GRID2: variants seen among roughly 807,000 people sequenced by gnomAD.
GRID2 encodes the protein glutamate ionotropic receptor delta type subunit 2, also known as glutamate receptor ionotropic, delta-2.
GRID2 carries 33 observed loss-of-function variants against 114.8 expected under a neutral mutation model. The observed-to-expected ratio is 0.29, with a 90% CI of 0.22 to 0.38. GRID2 has a LOEUF of 0.38. Ranked by LOEUF, GRID2 falls within the 10% of genes least tolerant of loss-of-function variation. GRID2 has a pLI of 1.00. For synonymous variants in GRID2, 505 were observed against 449.9 expected (o/e 1.12, Z -1.55); for missense variants, 1,184 against 1,257.7 (o/e 0.94, Z 0.89).
chr4:92,953,311 G>T (rs538044935), intron 2 of GRID2, among the ~76,000 whole-genome samples: 6 of 152,208 alleles, frequency 3.9e-5, no homozygotes, highest in East Asian at 1.9e-4. Context: ...AGTAAGCTCT[G>T]TGTTCTAGAG....
intron 1 of GRID2, among the ~76,000 whole-genome samples, chr4:92,561,744 C>T (rs536911647): frequency 1.8e-4 from 27 of 152,054 alleles, no homozygotes; most frequent in African/African-American, 5.5e-4. Flanking sequence ...TTTTGAATGC[C>T]CGATGTCATT....
chr4:92,536,476 C>A (rs533026019), intron 1 of GRID2, among the ~76,000 whole-genome samples: 1 of 152,256 alleles, frequency 6.6e-6, no homozygotes, highest in East Asian at 1.9e-4. Context: ...AAATTAATAT[C>A]CTATAAATAC....
chr4:93,209,031 A>T (rs1743140077), intron 5 of GRID2, among the ~76,000 whole-genome samples: 1 of 152,060 alleles, frequency 6.6e-6, no homozygotes, highest in Admixed American at 6.6e-5. Context: ...ACTATTAGTG[A>T]TGATAATGGA....
intron 14 of GRID2, among the ~76,000 whole-genome samples, chr4:93,725,689 A>T (rs925872986): frequency 2.0e-5 from 3 of 150,950 alleles, no homozygotes; most frequent in Admixed American, 6.6e-5. Flanking sequence ...CTGGTGTGAG[A>T]TGGTATCTCA....
chr4:92,965,187 A>G (rs375064670), intron 2 of GRID2, among the ~76,000 whole-genome samples: 1 of 151,842 alleles, frequency 6.6e-6, no homozygotes, highest in Non-Finnish European at 1.5e-5. Context: ...GGATGAAGCA[A>G]TCAGAACACA....
intron 12 of GRID2, among the ~76,000 whole-genome samples, chr4:93,502,988 G>T (rs760659927): frequency 1.3e-5 from 2 of 151,970 alleles, no homozygotes; most frequent in Admixed American, 6.6e-5. Context: ...AAAACAGTTC[G>T]GGCATTTATA....
intron 2 of GRID2, among the ~76,000 whole-genome samples, chr4:92,786,215 C>G (rs2149361471): frequency 6.6e-6 from 1 of 151,902 alleles, no homozygotes; most frequent in Non-Finnish European, 1.5e-5. Flanking sequence ...TGCCTTCCCT[C>G]TGTAATCCAG....
At chr4:92,651,288 T>A (rs1258783225) in intron 2 of GRID2, among the ~76,000 whole-genome samples, 1 of 152,030 alleles carries the variant, frequency 6.6e-6, no homozygotes, top group Non-Finnish European at 1.5e-5. Flanking sequence ...TGGTGCCACA[T>A]CAGGGACTCA....
intron 8 of GRID2, among the ~76,000 whole-genome samples, chr4:93,359,341 G>A (rs1761655959): frequency 6.6e-6 from 1 of 151,718 alleles, no homozygotes; most frequent in Non-Finnish European, 1.5e-5. Context: ...TACATGAGAT[G>A]TTTTCATCAC....
chr4:92,553,665 T>A (rs1176250021), intron 1 of GRID2, among the ~76,000 whole-genome samples: 1 of 152,178 alleles, frequency 6.6e-6, no homozygotes, highest in Non-Finnish European at 1.5e-5. Context: ...TTCTTTTTTT[T>A]TATTTTTAGA....
At chr4:92,591,427 A>G (rs1728701816) in intron 2 of GRID2, among the ~76,000 whole-genome samples, 2 of 152,168 alleles carry the variant, frequency 1.3e-5, no homozygotes, top group Non-Finnish European at 2.9e-5. Context: ...TTTTATTGTG[A>G]TGATGTATTT....
chr4:92,414,866 T>C (rs181238986), intron 1 of GRID2, among the ~76,000 whole-genome samples: 44 of 152,228 alleles, frequency 2.9e-4, no homozygotes, highest in Non-Finnish European at 5.4e-4. Context: ...CAATAAAAAC[T>C]AAAACCTGAA....
At chr4:93,733,658 T>TTTTGC in intron 14 of GRID2, among the ~76,000 whole-genome samples, 1 of 152,030 alleles carries the variant, frequency 6.6e-6, no homozygotes, top group East Asian at 1.9e-4. Flanking sequence ...AGTGCTTGAG[T>TTTTGC]TTTGTTTTGT....
chr4:93,295,637 T>G (rs1307804277), intron 8 of GRID2, among the ~76,000 whole-genome samples: 2 of 152,090 alleles, frequency 1.3e-5, no homozygotes, highest in Non-Finnish European at 2.9e-5. Flanking sequence ...CTCTTCATCC[T>G]TCTCATTTTT....
At chr4:93,525,508 G>C (rs1730797199) in intron 13 of GRID2, among the ~76,000 whole-genome samples, 1 of 152,136 alleles carries the variant, frequency 6.6e-6, no homozygotes, top group African/African-American at 2.4e-5. Flanking sequence ...GCAATAAGAT[G>C]TAAAAAGAAT....
At chr4:93,724,621 G>A (rs535141283) in intron 14 of GRID2, among the ~76,000 whole-genome samples, 5 of 152,158 alleles carry the variant, frequency 3.3e-5, no homozygotes, top group South Asian at 2.1e-4. Context: ...GAAAAGAGAC[G>A]CTACATGAGT....
intron 11 of GRID2, among the ~76,000 whole-genome samples, chr4:93,488,824 T>C (rs1222271133): frequency 6.6e-6 from 1 of 151,924 alleles, no homozygotes; most frequent in African/African-American, 2.4e-5. Context: ...CTTTCTTCCA[T>C]GCATGTGCAT....
At chr4:92,732,904 G>A (rs144734537) in intron 2 of GRID2, among the ~76,000 whole-genome samples, 1 of 152,060 alleles carries the variant, frequency 6.6e-6, no homozygotes, top group African/African-American at 2.4e-5. Flanking sequence ...TTTTGTGGCT[G>A]TAAGGCCTAG....
chr4:93,202,971 T>G (rs142175064), intron 4 of GRID2, among the ~76,000 whole-genome samples: 104 of 151,934 alleles, frequency 6.8e-4, no homozygotes, highest in Admixed American at 3.1e-3. Flanking sequence ...ACATTCTTTT[T>G]TGTGTGTGTG....
Sources: allele counts gnomAD v4.1 joint callset (sites outside exome capture counted in the v4.1 genomes callset), GRCh38; gene constraint gnomAD v4.1.1; transcripts MANE v1.5; gene names NCBI Gene and HGNC (gene_info 2026-07-23, HGNC 2026-07-21).